GPBP1L1: variants seen among roughly 807,000 people sequenced by gnomAD.
GPBP1L1 encodes GC-rich promoter binding protein 1 like 1.
A neutral mutation model predicts 52.5 loss-of-function variants in GPBP1L1; 23 were observed. The observed-to-expected ratio is 0.44, with a 90% CI of 0.32 to 0.62. The LOEUF is 0.62. Ranked by LOEUF, GPBP1L1 falls within the 20% of genes least tolerant of loss-of-function variation. GPBP1L1 has a pLI of 0.06. For missense variants in GPBP1L1, 596 were observed against 579.3 expected, an observed-to-expected ratio of 1.03 and a Z score of -0.30; for synonymous variants, 243 against 203.1, an observed-to-expected ratio of 1.20 and a Z score of -1.67.
rs760759530 is a variant in GPBP1L1, at chr1:45,630,595, G to A, written c.1056C>T (p.Asn352=). 5 of 1,613,408 alleles carry A rather than the reference G, an allele frequency of 3.1e-6. No individual in the cohort carries two copies. The highest frequency in any genetic ancestry group is 3.4e-6 in the Non-Finnish European group (4 of 1,179,946). The stretch of plus-strand genomic sequence containing the variant: ...CATTTTCCTTTGGTTCAGGTGTGCT[G>A]TTGTCCTCCAACTGCAATAAGGAAA... ...DCDKLEDLED[N]STPEPKENGE... The change falls in exon 11 of 13, where the codon AAC becomes AAT. Residue 352 remains asparagine, a synonymous_variant. Transcript: ENST00000355105.
intron 12 of GPBP1L1, 32 bp from the exon 13 acceptor site, chr1:45,628,440 A>G: frequency 1.2e-6 from 2 of 1,606,564 alleles, no homozygotes; most frequent in Non-Finnish European, 1.7e-6. Context: ...AAGAAAAAAG[A>G]AAAAAATATC....
chr1:45,633,402 C>T, intron 10 of GPBP1L1, 87 bp downstream of exon 10: 4 of 1,401,186 alleles, frequency 2.9e-6, no homozygotes, highest in African/African-American at 1.4e-5. Flanking sequence ...AAAATCTTGC[C>T]ACATCTTTAT....
At chr1:45,649,052 A>G (rs761724107) in intron 6 of GPBP1L1, among the ~76,000 whole-genome samples, 5 of 152,160 alleles carry the variant, frequency 3.3e-5, no homozygotes, top group African/African-American at 4.8e-5. Context: ...TGCAGGAAAC[A>G]AAAGTTTTCA....
At chr1:45,631,997 G>A (rs1302272522) in intron 10 of GPBP1L1, among the ~76,000 whole-genome samples, 3 of 151,910 alleles carry the variant, frequency 2.0e-5, no homozygotes, top group Non-Finnish European at 4.4e-5. Flanking sequence ...GAGGTGGGTG[G>A]ATTACCTGAG....
chr1:45,654,917 T>TAAA, intron 5 of GPBP1L1, 88 bp from the exon 6 acceptor site: 2 of 1,286,624 alleles, frequency 1.6e-6, no homozygotes, highest in Non-Finnish European at 2.1e-6. Flanking sequence ...GAGACCTCGT[T>TAAA]AATAAAAAGT....
Position 45,630,473 on chromosome 1 carries a change from C to A in GPBP1L1, c.1169+9G>T. The A allele has an allele frequency of 2.5e-6, 4 of 1,613,556 alleles. No homozygotes were observed. Among genetic ancestry groups the A allele is most frequent in the Non-Finnish European group, 3.4e-6 (4 of 1,179,654 alleles). ...ACACTGCATGCCCTGTGATGTCCTCCTCACTTACCTGTGCTCTGCTTCTAG... is the reference window on the plus strand; with the variant it reads ...ACACTGCATGCCCTGTGATGTCCTCATCACTTACCTGTGCTCTGCTTCTAG... On this transcript the variant is annotated intron_variant, in intron 11 of 12. Coordinates refer to ENST00000355105, the MANE Select transcript of GPBP1L1 (RefSeq NM_021639.5).
Position 45,663,524 on chromosome 1 carries a change from T to TAA in GPBP1L1, c.-1097-2300_-1097-2299insTT, listed in dbSNP as rs1182225338. 2.0e-4 allele frequency among the ~76,000 whole-genome samples: 30 copies of TAA among 152,270 alleles called. No individual in the cohort carries two copies. In the East Asian group the frequency reaches 5.2e-3, roughly 26 times the overall value. On this transcript the variant is annotated intron_variant, in intron 2 of 12. Transcript: ENST00000355105. ...TATTACGGGTCCTACTAACAATTAC[T>TAA]CACCCATCACCCTCAAGAAGCTGGG...
chr1:45,628,191 C>A lies in GPBP1L1; in HGVS notation c.*65G>T. 6.9e-7 allele frequency: 1 copy of A among 1,454,384 alleles called. No individual in the cohort carries two copies. The highest frequency in any genetic ancestry group is 1.4e-5 in the African/African-American group (1 of 71,264). 90.1% of individuals were successfully genotyped at this position (1,454,384 alleles called of 1,614,324 possible). ...CATAAGAAAAGGAAAAGAACGATTT[C>A]TTTTGTATACTCCCTAAACACACAG... On this transcript the variant is annotated 3_prime_UTR_variant, in exon 13 of 13. Transcript: ENST00000355105.
At chr1:45,653,337 T>C (rs1003091424) in intron 6 of GPBP1L1, among the ~76,000 whole-genome samples, 5 of 152,126 alleles carry the variant, frequency 3.3e-5, no homozygotes, top group African/African-American at 1.2e-4. Flanking sequence ...CATTTGAGAC[T>C]GGCCTGGGCA....
chr1:45,684,876 C>A (rs983174838), intron 2 of GPBP1L1, among the ~76,000 whole-genome samples: 5 of 152,086 alleles, frequency 3.3e-5, no homozygotes, highest in Non-Finnish European at 7.4e-5. Context: ...TCAAAAGGTA[C>A]ATTGAAAACT....
At chr1:45,654,202 G>GA (rs1255044367) in intron 6 of GPBP1L1, 4 of 182,128 alleles carry the variant, frequency 2.2e-5, no homozygotes, top group African/African-American at 4.8e-5. Flanking sequence ...AAAATCAAGA[G>GA]AAAAAATGTT....
In GPBP1L1 at chr1:45,682,503, A is replaced by C. The variant is rs377060974; in HGVS notation, c.-1098+3073T>G. The stretch of plus-strand genomic sequence containing the variant: ...GAAGGTGAACTTAATGACTTTGTTA[A>C]AATCAACTCCTTTAAGAGTAATTGC... On this transcript the variant is annotated intron_variant, in intron 2 of 12. Transcript: ENST00000355105. Among the ~76,000 whole-genome samples, 9 of 152,336 alleles carry C rather than the reference A, an allele frequency of 5.9e-5. No individual in the cohort carries two copies. The East Asian group carries it at 1.2e-3, about 20-fold the overall frequency.
At chr1:45,629,287 T>G (rs12037459) in intron 12 of GPBP1L1, among the ~76,000 whole-genome samples, 42,015 of 152,124 alleles carry the variant, frequency 0.28, 5,920 homozygotes, top group South Asian at 0.35. Context: ...ACCATAGCTC[T>G]GGAACACAGC....
intron 6 of GPBP1L1, among the ~76,000 whole-genome samples, chr1:45,653,577 C>T (rs758666776): frequency 1.3e-5 from 2 of 152,010 alleles, no homozygotes; most frequent in Non-Finnish European, 2.9e-5. Context: ...CCAGGCTGGT[C>T]TCAAACTCCT....
At chr1:45,669,672 A>G (rs1424147770) in intron 2 of GPBP1L1, among the ~76,000 whole-genome samples, 2 of 151,592 alleles carry the variant, frequency 1.3e-5, no homozygotes, top group Non-Finnish European at 2.9e-5. Flanking sequence ...ACATGATTTC[A>G]TAAACTAATT....
intron 8 of GPBP1L1, chr1:45,635,093 T>A (rs1160711283): frequency 6.6e-6 from 1 of 152,208 alleles, no homozygotes; most frequent in Non-Finnish European, 1.5e-5. Context: ...AGGAATTAAC[T>A]TTACTATCTA....
At chr1:45,668,615 C>G (rs925738056) in intron 2 of GPBP1L1, among the ~76,000 whole-genome samples, 1 of 152,180 alleles carries the variant, frequency 6.6e-6, no homozygotes, top group East Asian at 1.9e-4. Flanking sequence ...CGAGATCACA[C>G]CACTGCACTC....
At chr1:45,629,925 A>G (rs139680881) in intron 11 of GPBP1L1, among the ~76,000 whole-genome samples, 2 of 152,174 alleles carry the variant, frequency 1.3e-5, no homozygotes, top group Admixed American at 1.3e-4. Context: ...AAGACAGTGT[A>G]AGGAAGAAAG....
In GPBP1L1 at chr1:45,634,120, A is replaced by G. The variant is rs201279090; in HGVS notation, c.861T>C (p.Gly287=). The part of the protein sequence containing the change: ...SVTKPVVLAS[G]AALSSPKESP... ...CCTCTTTGGGAGAACTCAGAGCTGCACCACTAGCCAGTACCACTGGTTTGG... is the reference window on the plus strand; with the variant it reads ...CCTCTTTGGGAGAACTCAGAGCTGCGCCACTAGCCAGTACCACTGGTTTGG... Residue 287 remains glycine, a synonymous_variant, in exon 9 of 13, where the codon GGT becomes GGC. Transcript: ENST00000355105. 44 of 1,612,770 alleles carry G rather than the reference A, an allele frequency of 2.7e-5. 1 individual carries two copies. Among genetic ancestry groups the G allele is most frequent in the South Asian group, 2.5e-4 (23 of 90,974 alleles).
Sources: allele counts gnomAD v4.1 joint callset (sites outside exome capture counted in the v4.1 genomes callset), GRCh38; gene constraint gnomAD v4.1.1; transcripts MANE v1.5; gene names NCBI Gene and HGNC (gene_info 2026-07-23, HGNC 2026-07-21).